ZNF549: variants seen among roughly 807,000 people sequenced by gnomAD.
ZNF549 encodes zinc finger protein 549.
ZNF549 carries 11 observed loss-of-function variants against 11.1 expected under a neutral mutation model. The observed-to-expected ratio is 0.99, with a 90% CI of 0.62 to 1.64. ZNF549 has a LOEUF of 1.64. ZNF549 is among the 40% of genes most tolerant of loss of function. The pLI is 0.00. For synonymous variants in ZNF549, 266 were observed against 269.1 expected, an observed-to-expected ratio of 0.99 and a Z score of 0.11; for missense variants, 748 against 765.1, an observed-to-expected ratio of 0.98 and a Z score of 0.26.
chr19:57,527,505 C>G lies in ZNF549; in HGVS notation c.-69C>G, dbSNP rs893611164. On this transcript the variant is annotated 5_prime_UTR_variant, in exon 1 of 4. Coordinates refer to ENST00000376233, the MANE Select transcript of ZNF549 (RefSeq NM_001199295.2). ...GGTCTGAGCGTCGCCCAGCGATTTG[C>G]CACCGCACGCACGCCGGATCCCGGG... The G allele has an allele frequency of 1.2e-6, 2 of 1,602,058 alleles. No homozygotes were observed. The highest frequency in any genetic ancestry group is 1.7e-5 in the Admixed American group (1 of 59,576).
rs2089950393 is a variant in ZNF549 at position 57,540,400 on chromosome 19, T to C, written c.*1473T>C. 2 of 152,254 alleles carry C rather than the reference T, an allele frequency of 1.3e-5. No homozygotes were observed. The allele number at this position is 152,254 out of a possible 1,614,324, so 9.4% of individuals were successfully genotyped here. On this transcript the variant is annotated 3_prime_UTR_variant, in exon 4 of 4. Transcript: ENST00000376233. ...TCTATCTTTTTAAGAACTGTCTGTA[T>C]GGTTTATTGCCCAGTTAATGGGTTT... is the stretch of plus-strand genomic sequence containing the variant.
chr19:57,538,741 C>T lies in ZNF549; in HGVS notation c.1737C>T (p.His579=), dbSNP rs747807854. The T allele has an allele frequency of 6.2e-7, 1 of 1,614,114 alleles. No homozygotes were observed. The change falls in exon 4 of 4, where the codon CAC becomes CAT. Residue 579 remains histidine (H), a synonymous_variant. Transcript: ENST00000376233. ...GCCTCATTCAACACCAGAAAGTTCA[C>T]AGTGGAGAGAGGCCTTATAACTGCA... is the stretch of plus-strand genomic sequence containing the variant. ...RTSLIQHQKV[H]SGERPYNCTA...
Position 57,540,147 on chromosome 19 carries a change from A to G in ZNF549, c.*1220A>G, listed in dbSNP as rs1051798978. The G allele has an allele frequency of 2.0e-5, 3 of 152,190 alleles. No homozygotes were observed. Among genetic ancestry groups the G allele is most frequent in the African/African-American group, 7.2e-5 (3 of 41,452 alleles). The allele number at this position is 152,190 out of a possible 1,614,324, so 9.4% of individuals were successfully genotyped here. On this transcript the variant is annotated 3_prime_UTR_variant, in exon 4 of 4. Transcript: ENST00000376233. ...GCCTTCCAGATATGTGGTTTTTGTGATTCACCCAGATCTGTTGTGCCAGTT... is the reference window on the plus strand; with the variant it reads ...GCCTTCCAGATATGTGGTTTTTGTGGTTCACCCAGATCTGTTGTGCCAGTT...
In ZNF549 at chr19:57,539,007, AT is replaced by A; in HGVS notation, c.*82del. ...TTTTCAAGGGATCCAACAGACAGAAATTCACCCTCATACATCTGCATATCAC... is the reference window on the plus strand; with the variant it reads ...TTTTCAAGGGATCCAACAGACAGAAATCACCCTCATACATCTGCATATCAC... On this transcript the variant is annotated 3_prime_UTR_variant, in exon 4 of 4. Coordinates refer to ENST00000376233, the MANE Select transcript of ZNF549 (RefSeq NM_001199295.2). 1 of 1,438,704 alleles carries A rather than the reference AT, an allele frequency of 7.0e-7. No individual in the cohort carries two copies. The highest frequency in any genetic ancestry group is 9.3e-7 in the Non-Finnish European group (1 of 1,073,038). The allele number at this position is 1,438,704 out of a possible 1,614,324, so 89.1% of individuals were successfully genotyped here. A position where few individuals can be genotyped will look rare whatever the true frequency, so the allele number is the denominator to read the frequency against.
At chr19:57,528,572 TAGG>T (rs1180688345) in intron 1 of ZNF549, among the ~76,000 whole-genome samples, 1 of 152,114 alleles carries the variant, frequency 6.6e-6, no homozygotes, top group Non-Finnish European at 1.5e-5. Flanking sequence ...TGCCTGCAGA[TAGG>T]AGGGCCATGG....
chr19:57,529,663 G>A (rs1281883036), intron 1 of ZNF549, among the ~76,000 whole-genome samples: 1 of 152,092 alleles, frequency 6.6e-6, no homozygotes, highest in Non-Finnish European at 1.5e-5. Context: ...GAGGCAGGCA[G>A]ATCACAAGGT....
intron 3 of ZNF549, among the ~76,000 whole-genome samples, chr19:57,536,044 C>G (rs1600165133): frequency 6.6e-6 from 1 of 152,148 alleles, no homozygotes; most frequent in Non-Finnish European, 1.5e-5. Flanking sequence ...TCTCTTTTCT[C>G]TGCCTGCTTG....
At position 57,537,412 on chromosome 19, in the gene ZNF549, C is replaced by G. The variant is rs369066251; in HGVS notation, c.408C>G (p.Ala136=). The change falls in exon 4 of 4, where the codon GCC becomes GCG. Residue 136 remains alanine, a synonymous_variant. Transcript: ENST00000376233. The part of the protein sequence containing the change: ...LPWQKPYTSV[A]SGKWFSFGSN... ...GGCAGAAACCTTATACGTCTGTGGC[C>G]AGTGGGAAATGGTTTTCATTTGGTT... 1.2e-6 allele frequency: 2 copies of G among 1,614,088 alleles called. No homozygotes were observed. The highest frequency in any genetic ancestry group is 1.7e-6 in the Non-Finnish European group (2 of 1,180,046).
Position 57,537,463 on chromosome 19 carries a change from G to C in ZNF549, c.459G>C (p.Gln153His). The change falls in exon 4 of 4, where the codon CAG (glutamine) becomes CAC (histidine). Residue 153 changes from glutamine to histidine, a missense_variant. By Grantham distance (24) the Gln-to-His change is conservative. Transcript: ENST00000376233. ...FGSNLQQHQN[Q>H]DSGEKHIRKE... is the part of the protein sequence containing the mutation. The stretch of plus-strand genomic sequence containing the variant: ...CTAACCTGCAACAGCACCAGAACCA[G>C]GACAGTGGAGAGAAACACATCAGAA... 6.2e-7 allele frequency: 1 copy of C among 1,614,230 alleles called. No homozygotes were observed. Among genetic ancestry groups the C allele is most frequent in the Non-Finnish European group, 8.5e-7 (1 of 1,180,036 alleles).
chr19:57,537,168 T>G (rs746782757), intron 3 of ZNF549, 36 bp from the exon 4 acceptor site: 1 of 1,579,164 alleles, frequency 6.3e-7, no homozygotes, highest in Non-Finnish European at 8.6e-7. Context: ...TCTACCAAAG[T>G]CTGCATATAC....
At chr19:57,534,047 C>T (rs1018654456) in intron 2 of ZNF549, among the ~76,000 whole-genome samples, 17 of 152,206 alleles carry the variant, frequency 1.1e-4, no homozygotes, top group South Asian at 8.3e-4. Context: ...GAAAGCTATC[C>T]GTCAGCCAGT....
chr19:57,533,755 C>A (rs1359293160), intron 2 of ZNF549, among the ~76,000 whole-genome samples: 2 of 152,222 alleles, frequency 1.3e-5, no homozygotes, highest in African/African-American at 4.8e-5. Flanking sequence ...CTTGATTCTC[C>A]TGTATGCCCT....
intron 3 of ZNF549, chr19:57,535,483 T>TTCAGAC: frequency 1.8e-6 from 1 of 567,606 alleles, no homozygotes; most frequent in Non-Finnish European, 2.9e-6. Context: ...AGAGTTTGGG[T>TTCAGAC]TCAGACTCTT....
Position 57,527,475 on chromosome 19 carries a change from G to A in ZNF549, c.-99G>A, listed in dbSNP as rs2089882461. 2 of 1,534,128 alleles carry A rather than the reference G, an allele frequency of 1.3e-6. No homozygotes were observed. Among genetic ancestry groups the A allele is most frequent in the South Asian group, 2.3e-5 (2 of 86,854 alleles). On this transcript the variant is annotated 5_prime_UTR_variant, in exon 1 of 4. Coordinates refer to ENST00000376233, the MANE Select transcript of ZNF549 (RefSeq NM_001199295.2). ...GTCCGCCCGCAGAGGAGCTTGCCTG[G>A]TCTCGGTCTGAGCGTCGCCCAGCGA...
At chr19:57,529,778 C>G (rs1037251480) in intron 1 of ZNF549, among the ~76,000 whole-genome samples, 2 of 151,962 alleles carry the variant, frequency 1.3e-5, no homozygotes, top group African/African-American at 2.4e-5. Context: ...CCCAGCTACT[C>G]CGGAGGCTGA....
chr19:57,538,632 G>A lies in ZNF549; in HGVS notation c.1628G>A (p.Arg543Lys). 1 of 1,614,154 alleles carries A rather than the reference G, an allele frequency of 6.2e-7. No homozygotes were observed. The highest frequency in any genetic ancestry group is 1.3e-5 in the African/African-American group (1 of 75,028). Residue 543 changes from arginine (R) to lysine (K), a missense_variant, in exon 4 of 4, where the codon AGA becomes AAA. Physicochemically the swap from Arg to Lys is conservative, Grantham distance 26 (BLOSUM62 2). Transcript: ENST00000376233. ...ECGKVFSHQKRLLEHQKVHTG... is the reference protein window; with the variant it reads ...ECGKVFSHQKKLLEHQKVHTG... The stretch of plus-strand genomic sequence containing the variant: ...GGAAAAGTCTTCAGCCACCAAAAAA[G>A]ACTTCTTGAGCACCAGAAAGTTCAC...
chr19:57,529,709 AC>A (rs1380946041), intron 1 of ZNF549, among the ~76,000 whole-genome samples: 1 of 151,954 alleles, frequency 6.6e-6, no homozygotes, highest in Admixed American at 6.6e-5. Context: ...ACATGGTGAA[AC>A]CCCGTCTCTA....
intron 2 of ZNF549, among the ~76,000 whole-genome samples, chr19:57,533,059 G>C (rs1433163476): frequency 6.6e-6 from 1 of 152,220 alleles, no homozygotes; most frequent in South Asian, 2.1e-4. Context: ...TGGCCAGGCT[G>C]ATCTCGAACT....
intron 1 of ZNF549, 38 bp downstream of exon 1, chr19:57,527,644 A>C (rs759261330): frequency 1.9e-6 from 3 of 1,608,936 alleles, no homozygotes; most frequent in Non-Finnish European, 2.5e-6. Flanking sequence ...CTGGGTCCTG[A>C]GGCCCCGGAC....
Sources: allele counts gnomAD v4.1 joint callset (sites outside exome capture counted in the v4.1 genomes callset), GRCh38; gene constraint gnomAD v4.1.1; transcripts MANE v1.5; gene names NCBI Gene and HGNC (gene_info 2026-07-23, HGNC 2026-07-21).